Variants in TENM3 observed in about 807,000 individuals in gnomAD.
The protein encoded by TENM3 is teneurin-3.
In TENM3, 63 loss-of-function variants were observed where a neutral mutation model predicts 255.1. The ratio of observed to expected loss-of-function variants is 0.25; its 90% CI spans 0.20 to 0.30. TENM3 has a LOEUF of 0.30. TENM3 is among the 10% of genes least tolerant of loss of function. The probability of loss-of-function intolerance (pLI) is 1.00; values close to 1 mark genes in which losing one functional copy is unlikely to be tolerated. For synonymous variants in TENM3, 1,306 were observed against 1,322.3 expected (o/e 0.99, Z 0.27); for missense variants, 2,929 against 3,461.1 (o/e 0.85, Z 3.86).
the TENM3 span, among the ~76,000 whole-genome samples, chr4:181,972,263 A>G: frequency 1.7e-4 from 26 of 151,766 alleles, no homozygotes; most frequent in Non-Finnish European, 3.7e-4. Flanking sequence ...CTCTACAAAT[A>G]TAAAAATTAG....
At chr4:181,591,969 A>AGAG in the TENM3 span, among the ~76,000 whole-genome samples, 1 of 147,686 alleles carries the variant, frequency 6.8e-6, no homozygotes, top group African/African-American at 2.5e-5. Flanking sequence ...AAAAAAAAAA[A>AGAG]GAGTCCATAC....
chr4:182,583,766 C>T (rs1194630836), intron 3 of TENM3, among the ~76,000 whole-genome samples: 1 of 152,032 alleles, frequency 6.6e-6, no homozygotes, highest in Non-Finnish European at 1.5e-5. Flanking sequence ...ATAAAATATA[C>T]ATTTTGGCAA....
At chr4:181,480,682 C>T in the TENM3 span, among the ~76,000 whole-genome samples, 1 of 151,150 alleles carries the variant, frequency 6.6e-6, no homozygotes, top group African/African-American at 2.4e-5. Flanking sequence ...AGTTTTATCT[C>T]TATCTATATA....
At chr4:182,508,041 C>G (rs1056697257) in intron 3 of TENM3, among the ~76,000 whole-genome samples, 6 of 152,192 alleles carry the variant, frequency 3.9e-5, no homozygotes, top group African/African-American at 1.4e-4. Flanking sequence ...AATCCTAGTT[C>G]TGTCACTAAC....
chr4:181,691,717 C>A, the TENM3 span, among the ~76,000 whole-genome samples: 2 of 151,942 alleles, frequency 1.3e-5, no homozygotes, highest in Non-Finnish European at 2.9e-5. Context: ...AAAAATATAC[C>A]CTGTGTGTGC....
chr4:182,478,285 T>C (rs1288604020), intron 3 of TENM3, among the ~76,000 whole-genome samples: 1 of 152,156 alleles, frequency 6.6e-6, no homozygotes, highest in Non-Finnish European at 1.5e-5. Context: ...TTTTTTCTAA[T>C]GTCATGTGAA....
chr4:181,575,175 TATA>T, the TENM3 span, among the ~76,000 whole-genome samples: 3 of 152,178 alleles, frequency 2.0e-5, no homozygotes, highest in East Asian at 5.8e-4. Flanking sequence ...TAGCTATTGA[TATA>T]ATATTTCATT....
chr4:181,761,273 A>T, the TENM3 span, among the ~76,000 whole-genome samples: 1 of 152,142 alleles, frequency 6.6e-6, no homozygotes, highest in Non-Finnish European at 1.5e-5. Flanking sequence ...TCGTGCTTAT[A>T]CACGAGAGAT....
chr4:182,113,069 G>A, the TENM3 span, among the ~76,000 whole-genome samples: 1 of 152,090 alleles, frequency 6.6e-6, no homozygotes, highest in Non-Finnish European at 1.5e-5. Flanking sequence ...GTATTCTGAA[G>A]GTTAAGACAC....
At chr4:181,820,017 A>G in the TENM3 span, 2 of 152,120 alleles carry the variant, frequency 1.3e-5, no homozygotes, top group South Asian at 4.2e-4. Context: ...AATGAATGCA[A>G]CTCTTTAATA....
chr4:182,068,478 C>A, the TENM3 span, among the ~76,000 whole-genome samples: 1 of 150,664 alleles, frequency 6.6e-6, no homozygotes, highest in African/African-American at 2.4e-5. Context: ...CAATAAACAT[C>A]TTTTGGTTCC....
the TENM3 span, among the ~76,000 whole-genome samples, chr4:181,943,961 G>T: frequency 6.6e-6 from 1 of 152,034 alleles, no homozygotes; most frequent in Non-Finnish European, 1.5e-5. Flanking sequence ...ATTTCTGAGA[G>T]ACCCAAGCTG....
the TENM3 span, among the ~76,000 whole-genome samples, chr4:181,981,503 A>G: frequency 2.0e-5 from 3 of 152,234 alleles, no homozygotes; most frequent in Non-Finnish European, 4.4e-5. Context: ...TAAAAACAAG[A>G]GATTATAAGT....
At chr4:182,513,771 C>T (rs1350951021) in intron 3 of TENM3, among the ~76,000 whole-genome samples, 3 of 152,158 alleles carry the variant, frequency 2.0e-5, no homozygotes, top group East Asian at 3.9e-4. Context: ...AAATAACTCG[C>T]CCACAAGTGC....
At chr4:181,475,049 T>G in the TENM3 span, among the ~76,000 whole-genome samples, 1 of 152,264 alleles carries the variant, frequency 6.6e-6, no homozygotes, top group African/African-American at 2.4e-5. Flanking sequence ...ACCGGAGATC[T>G]ATTTTATAAG....
chr4:182,282,695 C>A (rs1243689812), intron 1 of TENM3, among the ~76,000 whole-genome samples: 1 of 151,948 alleles, frequency 6.6e-6, no homozygotes, highest in Non-Finnish European at 1.5e-5. Context: ...GAGTTTGAGA[C>A]CAGCCTAGCT....
the TENM3 span, among the ~76,000 whole-genome samples, chr4:182,126,989 A>G: frequency 6.6e-6 from 1 of 152,240 alleles, no homozygotes; most frequent in Non-Finnish European, 1.5e-5. Context: ...AAGGCGTAGC[A>G]TGCATATGTA....
At chr4:182,192,447 C>T (rs1383875419) in intron 1 of TENM3, among the ~76,000 whole-genome samples, 1 of 152,066 alleles carries the variant, frequency 6.6e-6, no homozygotes, top group East Asian at 1.9e-4. Flanking sequence ...TTGATGTATT[C>T]GCTGGAAGTC....
intron 11 of TENM3, among the ~76,000 whole-genome samples, chr4:182,686,943 A>G (rs1285338339): frequency 6.6e-6 from 1 of 152,114 alleles, no homozygotes; most frequent in African/African-American, 2.4e-5. Context: ...TATTGCATGA[A>G]AAAACCTGCG....
Sources: allele counts gnomAD v4.1 joint callset (sites outside exome capture counted in the v4.1 genomes callset), GRCh38; gene constraint gnomAD v4.1.1; transcripts MANE v1.5; gene names NCBI Gene and HGNC (gene_info 2026-07-23, HGNC 2026-07-21).